Variants in MLLT3 observed in about 807,000 individuals in gnomAD.
MLLT3 encodes MLLT3 super elongation complex subunit.
MLLT3 carries 4 observed loss-of-function variants against 53.2 expected under a neutral mutation model. That is an observed-to-expected ratio of 0.08 (90% CI 0.04 to 0.17). MLLT3 has a LOEUF of 0.17. Ranked by LOEUF, MLLT3 falls within the 10% of genes least tolerant of loss-of-function variation. MLLT3 has a pLI of 1.00. For missense variants in MLLT3, 569 were observed against 684.0 expected (o/e 0.83, Z 1.87); for synonymous variants, 283 against 230.6 (o/e 1.23, Z -2.06).
At chr9:20,370,532 CAG>C (rs912344908) in intron 5 of MLLT3, among the ~76,000 whole-genome samples, 12 of 151,122 alleles carry the variant, frequency 7.9e-5, no homozygotes, top group African/African-American at 2.0e-4. Flanking sequence ...TTTTTTGAGA[CAG>C]AGTTTCGCTC....
chr9:20,365,545 T>A, intron 6 of MLLT3, 124 bp downstream of exon 6: 1 of 1,089,540 alleles, frequency 9.2e-7, no homozygotes, highest in Non-Finnish European at 1.4e-6. Context: ...AAACACGGTT[T>A]CACCGTGTTA....
intron 2 of MLLT3, among the ~76,000 whole-genome samples, chr9:20,538,159 A>G (rs1406787147): frequency 6.6e-6 from 1 of 152,220 alleles, no homozygotes; most frequent in African/African-American, 2.4e-5. Context: ...CTAAGAATTT[A>G]GCTACTATTC....
intron 2 of MLLT3, among the ~76,000 whole-genome samples, chr9:20,505,213 A>C (rs905149906): frequency 2.0e-5 from 3 of 152,196 alleles, no homozygotes; most frequent in African/African-American, 7.2e-5. Context: ...TAAGAGAGGA[A>C]ATAAACCAAG....
At chr9:20,580,576 G>A (rs1484892675) in intron 2 of MLLT3, among the ~76,000 whole-genome samples, 3 of 152,048 alleles carry the variant, frequency 2.0e-5, no homozygotes, top group Non-Finnish European at 4.4e-5. Flanking sequence ...TGCACACTCT[G>A]CCTATAATGG....
chr9:20,402,703 T>C (rs1822486232), intron 5 of MLLT3, among the ~76,000 whole-genome samples: 1 of 152,198 alleles, frequency 6.6e-6, no homozygotes, highest in Non-Finnish European at 1.5e-5. Context: ...ATTATTCTGG[T>C]TGGCAATATC....
intron 5 of MLLT3, chr9:20,382,557 G>T (rs576875551): frequency 6.6e-6 from 1 of 151,878 alleles, no homozygotes; most frequent in African/African-American, 2.4e-5. Flanking sequence ...GCAAACACAT[G>T]GTCATGACTT....
At chr9:20,602,142 T>C (rs1219673303) in intron 2 of MLLT3, among the ~76,000 whole-genome samples, 1 of 152,198 alleles carries the variant, frequency 6.6e-6, no homozygotes, top group African/African-American at 2.4e-5. Context: ...TTTTAAATTA[T>C]TTTTTAGCGA....
chr9:20,444,855 G>C (rs549849268), intron 4 of MLLT3, among the ~76,000 whole-genome samples: 1 of 152,182 alleles, frequency 6.6e-6, no homozygotes, highest in South Asian at 2.1e-4. Context: ...CTGGGTGACA[G>C]AGTAAGACCC....
intron 4 of MLLT3, among the ~76,000 whole-genome samples, chr9:20,425,716 C>T (rs905516114): frequency 4.0e-5 from 6 of 151,528 alleles, no homozygotes; most frequent in African/African-American, 2.4e-5. Context: ...ATTTAGCTTA[C>T]ATCATTAATA....
chr9:20,614,471 TAAAA>T (rs937750522), intron 2 of MLLT3, among the ~76,000 whole-genome samples: 4 of 150,986 alleles, frequency 2.6e-5, no homozygotes, highest in African/African-American at 7.3e-5. Context: ...TAGTAGGAGC[TAAAA>T]AAAAGCACAC....
chr9:20,519,479 A>T (rs1430726072), intron 2 of MLLT3, among the ~76,000 whole-genome samples: 1 of 152,226 alleles, frequency 6.6e-6, no homozygotes, highest in Non-Finnish European at 1.5e-5. Flanking sequence ...TAAGAGCCAT[A>T]TATAGGCTTT....
At chr9:20,570,393 T>C (rs1819504666) in intron 2 of MLLT3, among the ~76,000 whole-genome samples, 1 of 152,172 alleles carries the variant, frequency 6.6e-6, no homozygotes, top group Admixed American at 6.6e-5. Flanking sequence ...CACTAACACT[T>C]AAGAGAAATG....
At chr9:20,374,191 TG>T (rs893625022) in intron 5 of MLLT3, among the ~76,000 whole-genome samples, 1 of 152,210 alleles carries the variant, frequency 6.6e-6, no homozygotes, top group African/African-American at 2.4e-5. Context: ...AAGACCAGCC[TG>T]GGCAACACAG....
intron 2 of MLLT3, among the ~76,000 whole-genome samples, chr9:20,499,783 G>A (rs1252898907): frequency 6.6e-6 from 1 of 152,036 alleles, no homozygotes; most frequent in Non-Finnish European, 1.5e-5. Context: ...CTCCAAATAG[G>A]GTGTAAAAAT....
At chr9:20,395,905 G>T (rs535849768) in intron 5 of MLLT3, among the ~76,000 whole-genome samples, 1 of 152,262 alleles carries the variant, frequency 6.6e-6, no homozygotes, top group South Asian at 2.1e-4. Context: ...CAGGATGAAG[G>T]AAACCATCGG....
chr9:20,525,827 C>T (rs546552169), intron 2 of MLLT3, among the ~76,000 whole-genome samples: 66 of 152,184 alleles, frequency 4.3e-4, no homozygotes, highest in African/African-American at 1.5e-3. Flanking sequence ...CTCACAAGAC[C>T]GATTGTAGTC....
intron 2 of MLLT3, among the ~76,000 whole-genome samples, chr9:20,526,460 A>G (rs979976865): frequency 6.6e-6 from 1 of 152,178 alleles, no homozygotes; most frequent in Non-Finnish European, 1.5e-5. Context: ...GCTTATGTGT[A>G]TGGCTTATGC....
rs546883878 is a variant in MLLT3, at chr9:20,382,337, T to C, written c.1126-16593A>G. The C allele has an allele frequency of 2.6e-5, 4 of 152,026 alleles. No individual in the cohort carries two copies. The East Asian group carries it at 7.7e-4, about 29-fold the overall frequency. 9.4% of individuals were successfully genotyped at this position (152,026 alleles called of 1,614,324 possible). A position where few individuals can be genotyped will look rare whatever the true frequency, so the allele number is the denominator to read the frequency against. ...GTAAATAAACTTTACATATAGTTTA[T>C]CTTTAAAAATTAGAAACACAGCAAG... is the stretch of plus-strand genomic sequence containing the variant. On this transcript the variant is annotated intron_variant, in intron 5 of 10. Transcript: ENST00000380338.
At chr9:20,604,132 C>G (rs1306451869) in intron 2 of MLLT3, among the ~76,000 whole-genome samples, 1 of 151,944 alleles carries the variant, frequency 6.6e-6, no homozygotes, top group Non-Finnish European at 1.5e-5. Context: ...AAAGTATTTC[C>G]CTGCCCTTTA....
Sources: allele counts gnomAD v4.1 joint callset (sites outside exome capture counted in the v4.1 genomes callset), GRCh38; gene constraint gnomAD v4.1.1; transcripts MANE v1.5; gene names NCBI Gene and HGNC (gene_info 2026-07-23, HGNC 2026-07-21).